SLC39A10: variants seen among roughly 807,000 people sequenced by gnomAD.
SLC39A10 encodes solute carrier family 39 member 10.
A neutral mutation model predicts 65.1 loss-of-function variants in SLC39A10; 13 were observed. The ratio of observed to expected loss-of-function variants is 0.20; its 90% confidence interval spans 0.13 to 0.32. The LOEUF (loss-of-function observed/expected upper bound fraction) is 0.32. Among genes scored for constraint, SLC39A10 ranks in the 10% least tolerant of loss-of-function variants. SLC39A10 has a pLI of 1.00. For missense variants in SLC39A10, 831 were observed against 1,018.4 expected, an observed-to-expected ratio of 0.82 and a Z score of 2.50; for synonymous variants, 321 against 342.2, an observed-to-expected ratio of 0.94 and a Z score of 0.68.
At chr2:195,634,311 A>G (rs892776654) in intron 2 of SLC39A10, among the ~76,000 whole-genome samples, 4 of 152,232 alleles carry the variant, frequency 2.6e-5, no homozygotes, top group African/African-American at 9.6e-5. Flanking sequence ...CCTGATTACT[A>G]TATAACAGAG....
chr2:195,709,779 T>G (rs557405434), intron 5 of SLC39A10, among the ~76,000 whole-genome samples: 6 of 152,340 alleles, frequency 3.9e-5, no homozygotes, highest in Non-Finnish European at 5.9e-5. Context: ...CATACCTAAT[T>G]GACTTAAATA....
chr2:195,654,756 A>G (rs1177666076), upstream of SLC39A10, among the ~76,000 whole-genome samples: 1 of 152,220 alleles, frequency 6.6e-6, no homozygotes, highest in South Asian at 2.1e-4. Context: ...TCTTATATAT[A>G]AAACTGGTAA....
At chr2:195,729,875 T>G (rs1165931970) in intron 9 of SLC39A10, among the ~76,000 whole-genome samples, 2 of 151,726 alleles carry the variant, frequency 1.3e-5, no homozygotes, top group African/African-American at 2.4e-5. Context: ...CATAGCTCAC[T>G]GCAGACTCGA....
At chr2:195,713,853 G>A (rs545054594) in intron 6 of SLC39A10, among the ~76,000 whole-genome samples, 1 of 152,074 alleles carries the variant, frequency 6.6e-6, no homozygotes, top group Admixed American at 6.6e-5. Context: ...GATAATACTT[G>A]TGCTATAAAG....
chr2:195,632,589 T>C (rs567060145), intron 2 of SLC39A10, among the ~76,000 whole-genome samples: 22 of 152,268 alleles, frequency 1.4e-4, no homozygotes, highest in African/African-American at 5.3e-4. Flanking sequence ...ATTACAGGCA[T>C]GAGCCACCAC....
At chr2:195,708,548 A>G (rs557981104) in intron 4 of SLC39A10, 108 bp from the exon 5 acceptor site, 220 of 854,780 alleles carry the variant, frequency 2.6e-4, no homozygotes, top group Non-Finnish European at 3.3e-4. Flanking sequence ...TTAAAACTTG[A>G]AAGGTATTTT....
intron 1 of SLC39A10, among the ~76,000 whole-genome samples, chr2:195,670,805 T>TA (rs971963944): frequency 2.6e-5 from 4 of 152,148 alleles, no homozygotes; most frequent in South Asian, 4.1e-4. Flanking sequence ...CAAAATAAGT[T>TA]AAAAAAAGCA....
At chr2:195,650,228 G>A (rs571739577) in intron 2 of SLC39A10, among the ~76,000 whole-genome samples, 2 of 148,276 alleles carry the variant, frequency 1.3e-5, no homozygotes, top group South Asian at 2.1e-4. Flanking sequence ...CTTGCAGTGA[G>A]CCGAGATCCC....
intron 9 of SLC39A10, among the ~76,000 whole-genome samples, chr2:195,729,064 C>CT (rs1363636094): frequency 6.6e-6 from 1 of 151,780 alleles, no homozygotes; most frequent in Non-Finnish European, 1.5e-5. Context: ...CCTTGACCTC[C>CT]TGGGCTCAAG....
chr2:195,685,136 GAT>G (rs1380232903), intron 3 of SLC39A10, among the ~76,000 whole-genome samples: 2 of 151,886 alleles, frequency 1.3e-5, no homozygotes, highest in Admixed American at 6.6e-5. Flanking sequence ...CTATGAGGGA[GAT>G]ATTATGATCC....
intron 2 of SLC39A10, among the ~76,000 whole-genome samples, chr2:195,643,026 G>A (rs1373487445): frequency 2.0e-5 from 3 of 152,160 alleles, no homozygotes; most frequent in Non-Finnish European, 2.9e-5. Flanking sequence ...TACTTGGTGG[G>A]ACAATCAGCA....
intron 1 of SLC39A10, among the ~76,000 whole-genome samples, chr2:195,665,226 A>G (rs1689590460): frequency 2.0e-5 from 3 of 152,212 alleles, no homozygotes; most frequent in Admixed American, 2.0e-4. Context: ...CTGAGGCAGG[A>G]GAATTGCTTG....
chr2:195,646,189 G>A (rs1263738677), intron 2 of SLC39A10, among the ~76,000 whole-genome samples: 8 of 152,042 alleles, frequency 5.3e-5, no homozygotes, highest in African/African-American at 1.7e-4. Context: ...CAAGCGATCC[G>A]CCCACCTCAG....
chr2:195,725,686 T>C (rs974360750), intron 8 of SLC39A10, among the ~76,000 whole-genome samples: 1 of 152,184 alleles, frequency 6.6e-6, no homozygotes, highest in African/African-American at 2.4e-5. Flanking sequence ...TTCTTCATAA[T>C]TGCCAAAAAC....
At chr2:195,646,657 A>C (rs1024560350) in intron 2 of SLC39A10, among the ~76,000 whole-genome samples, 5 of 116,800 alleles carry the variant, frequency 4.3e-5, no homozygotes, top group African/African-American at 1.6e-4. Context: ...CAGACCCGGT[A>C]AGGCCGGTAG....
intron 5 of SLC39A10, among the ~76,000 whole-genome samples, chr2:195,713,220 C>T (rs1160263612): frequency 6.6e-6 from 1 of 152,192 alleles, no homozygotes; most frequent in African/African-American, 2.4e-5. Context: ...AATGGAACCT[C>T]TTAGTTGAAT....
In SLC39A10 at chr2:195,680,608, A is replaced by C; in HGVS notation, c.566A>C (p.Asp189Ala). The C allele has an allele frequency of 6.2e-7, 1 of 1,614,168 alleles. No homozygotes were observed. The highest frequency in any genetic ancestry group is 8.5e-7 in the Non-Finnish European group (1 of 1,180,032). ...CACCATCGTTTGCATCATCATCTTG[A>C]TCATAACAACACTCACCATTTTCAT... is the stretch of plus-strand genomic sequence containing the variant. ...RHHHRLHHHL[D>A]HNNTHHFHND... The change falls in exon 2 of 10, where the codon GAT (aspartate) becomes GCT (alanine). Residue 189 changes from aspartate (D) to alanine (A), a missense_variant. Physicochemically the swap from Asp to Ala is moderately radical, Grantham distance 126. Around this residue, in one of 4 missense-constraint regions of SLC39A10, gnomAD observed 446 missense variants for 499.2 expected, o/e 0.89. Coordinates refer to ENST00000359634, the MANE Select transcript of SLC39A10 (RefSeq NM_020342.3).
rs895965824 is a variant in SLC39A10 at position 195,675,497 on chromosome 2, G to A, written c.-11-4535G>A. ...GTCGCCCAGGCTGGAGTGCAGTGGCGTGATCTCAGCTCACTGCAAGCTGCG... is the reference window on the plus strand; with the variant it reads ...GTCGCCCAGGCTGGAGTGCAGTGGCATGATCTCAGCTCACTGCAAGCTGCG... On this transcript the variant is annotated intron_variant, in intron 1 of 9. Transcript: ENST00000359634. Among the ~76,000 whole-genome samples, 4 of 152,268 alleles carry A rather than the reference G, an allele frequency of 2.6e-5. No individual in the cohort carries two copies. In the East Asian group the frequency reaches 5.8e-4, roughly 22 times the overall value.
In SLC39A10 at chr2:195,736,871, G is replaced by A. The variant is rs968654922; in HGVS notation, c.*1830G>A. 9.5e-5 allele frequency: 12 copies of A among 126,744 alleles called. No homozygotes were observed. The South Asian group carries it at 2.3e-3, about 25-fold the overall frequency. The allele number at this position is 126,744 out of a possible 1,614,324, so 7.9% of individuals were successfully genotyped here. ...TTTTATTTAGTACTGCCAACTTCAA[G>A]TGATTTAGATATCTATCTATCTAGA... On this transcript the variant is annotated 3_prime_UTR_variant, in exon 10 of 10. Coordinates refer to ENST00000359634, the MANE Select transcript of SLC39A10 (RefSeq NM_020342.3).
Sources: gnomAD v4.1 joint callset for allele counts (sites outside exome capture counted in the v4.1 genomes callset) on GRCh38, gnomAD v4.1.1 for gene constraint, gnomAD v4.1.1 regional missense constraint, MANE v1.5 for transcripts, NCBI Gene and HGNC (gene_info 2026-07-23, HGNC 2026-07-21) for gene names.